Variants in CEP76 observed in about 807,000 individuals in gnomAD.
CEP76 encodes centrosomal protein 76.
CEP76 carries 55 observed loss-of-function variants against 83.3 expected under a neutral mutation model. The ratio of observed to expected loss-of-function variants is 0.66; its 90% CI spans 0.53 to 0.83. CEP76 has a LOEUF of 0.83. CEP76 is among the 40% of genes least tolerant of loss of function. The pLI, the probability that CEP76 is intolerant of heterozygous loss-of-function variation, is 0.00. For missense variants in CEP76, 694 were observed against 799.5 expected (o/e 0.87, Z 1.59); for synonymous variants, 270 against 274.5 (o/e 0.98, Z 0.16).
chr18:12,699,522 C>G (rs1426921257), intron 3 of CEP76, among the ~76,000 whole-genome samples: 1 of 152,154 alleles, frequency 6.6e-6, no homozygotes, highest in African/African-American at 2.4e-5. Flanking sequence ...CAAACCAACT[C>G]ATATAATTAT....
chr18:12,679,270 C>G (rs957945446), intron 9 of CEP76: 2 of 152,166 alleles, frequency 1.3e-5, no homozygotes. Flanking sequence ...GAAACTCCAA[C>G]CAGCCTGTGC....
chr18:12,694,767 A>G (rs2039889596), intron 6 of CEP76, among the ~76,000 whole-genome samples: 2 of 149,142 alleles, frequency 1.3e-5, no homozygotes, highest in Non-Finnish European at 1.5e-5. Flanking sequence ...GCTGGAGTGC[A>G]CTGGTGCGAT....
At chr18:12,685,388 T>G (rs891352348) in intron 8 of CEP76, 3 of 152,226 alleles carry the variant, frequency 2.0e-5, no homozygotes, top group African/African-American at 7.2e-5. Context: ...CTGGTGCTGT[T>G]CCTAATTCAT....
At chr18:12,695,119 T>G (rs1024210482) in intron 6 of CEP76, 135 bp downstream of exon 6, 9 of 450,832 alleles carry the variant, frequency 2.0e-5, no homozygotes, top group Non-Finnish European at 3.2e-5. Context: ...TCATCCTTTT[T>G]GTGAACCTTT....
At chr18:12,693,564 C>T (rs1260474061) in intron 6 of CEP76, among the ~76,000 whole-genome samples, 1 of 152,134 alleles carries the variant, frequency 6.6e-6, no homozygotes, top group Non-Finnish European at 1.5e-5. Context: ...GCAGGCAGAT[C>T]ACGAGGTCAA....
downstream of CEP76, among the ~76,000 whole-genome samples, chr18:12,668,597 C>CAAAAAAAAAAAAAAAAA (rs752216074): frequency 4.0e-4 from 29 of 72,824 alleles, no homozygotes; most frequent in Non-Finnish European, 5.6e-4. Context: ...GATTCCATCT[C>CAAAAAAAAAAAAAAAAA]AAAAAAAAAA....
chr18:12,665,352 A>G (rs752075682), intron 12 of CEP76, among the ~76,000 whole-genome samples: 1 of 152,088 alleles, frequency 6.6e-6, no homozygotes, highest in Middle Eastern at 3.2e-3. Flanking sequence ...GCTTGAGCCC[A>G]GGAGGTAGAG....
Position 12,701,068 on chromosome 18 carries a change from G to A in CEP76, c.109C>T (p.Arg37Trp), listed in dbSNP as rs137960067. The A allele has an allele frequency of 6.8e-6, 11 of 1,613,328 alleles. No individual in the cohort carries two copies. Among genetic ancestry groups the A allele is most frequent in the Non-Finnish European group, 9.3e-6 (11 of 1,179,488 alleles). ...RIREILAETI[R>W]EELAPDQQHL... ...TGTTGATCAGGTGCCAATTCTTCCCGTATAGTCTCAGCAAGGATTTCTCTT... is the reference window on the plus strand; with the variant it reads ...TGTTGATCAGGTGCCAATTCTTCCCATATAGTCTCAGCAAGGATTTCTCTT... The change falls in exon 2 of 12, where the codon CGG becomes TGG. Residue 37 changes from arginine (R) to tryptophan (W), a missense_variant. Transcript: ENST00000262127.
exon 13 of CEP76, chr18:12,661,976 G>T: frequency 3.9e-6 from 1 of 254,472 alleles, no homozygotes; most frequent in Non-Finnish European, 8.0e-6. Flanking sequence ...TGTTGATTTT[G>T]TTACTTTATT....
downstream of CEP76, among the ~76,000 whole-genome samples, chr18:12,668,833 C>T (rs1033391883): frequency 8.1e-5 from 12 of 147,952 alleles, no homozygotes; most frequent in Non-Finnish European, 1.6e-4. Context: ...CTTCGCCTCC[C>T]GGGTTTAAGC....
At chr18:12,687,455 T>A (rs892682986) in intron 7 of CEP76, among the ~76,000 whole-genome samples, 1 of 133,892 alleles carries the variant, frequency 7.5e-6, no homozygotes, top group Admixed American at 7.5e-5. Context: ...AAGGCATCAA[T>A]TTTTTTTTTT....
chr18:12,696,287 G>A (rs1175140727), intron 5 of CEP76, among the ~76,000 whole-genome samples: 6 of 152,090 alleles, frequency 3.9e-5, no homozygotes, highest in East Asian at 1.9e-4. Context: ...GGCAGATCAC[G>A]AGGTCAAGAG....
At position 12,702,595 on chromosome 18, in the gene CEP76, C is replaced by T; in HGVS notation, c.-47G>A. ...GCCGCTTCTCCCCGCCTCAGATGCC[C>T]TAACTGCGCGGCCCCGGCCGGGCCA... On this transcript the variant is annotated 5_prime_UTR_variant, in exon 1 of 12. Coordinates refer to ENST00000262127, the MANE Select transcript of CEP76 (RefSeq NM_024899.4). 1 of 1,578,098 alleles carries T rather than the reference C, an allele frequency of 6.3e-7. No individual in the cohort carries two copies. The highest frequency in any genetic ancestry group is 1.1e-5 in the South Asian group (1 of 87,534).
At chr18:12,700,831 T>C in intron 2 of CEP76, 127 bp downstream of exon 2, 3 of 645,720 alleles carry the variant, frequency 4.6e-6, no homozygotes, top group Non-Finnish European at 5.2e-6. Flanking sequence ...ACAAGGACAC[T>C]AGTAAACAGA....
Position 12,673,357 on chromosome 18 carries a change from TA to T in CEP76, c.*7del, listed in dbSNP as rs773471648. The T allele has an allele frequency of 1.9e-5, 30 of 1,599,818 alleles. No homozygotes were observed. Among genetic ancestry groups the T allele is most frequent in the Middle Eastern group, 3.3e-4 (2 of 6,052 alleles). On this transcript the variant is annotated 3_prime_UTR_variant, in exon 12 of 12. Coordinates refer to ENST00000262127, the MANE Select transcript of CEP76 (RefSeq NM_024899.4). ...AACACAGGTATAAATCTTATATAAA[TA>T]TTGGCCCTATAATACCGAGCGATAT...
At chr18:12,684,830 A>C (rs2039481576) in intron 8 of CEP76, 1 of 152,068 alleles carries the variant, frequency 6.6e-6, no homozygotes, top group African/African-American at 2.4e-5. Flanking sequence ...CATTTTTAGA[A>C]CACAGATTAG....
At chr18:12,697,175 T>G (rs1163825152) in intron 5 of CEP76, 48 bp downstream of exon 5, 1 of 1,233,484 alleles carries the variant, frequency 8.1e-7, no homozygotes. Context: ...TATTTACAAA[T>G]GAACTGTGGC....
intron 1 of CEP76, among the ~76,000 whole-genome samples, 186 bp from the exon 2 acceptor site, chr18:12,701,299 T>A (rs1568035852): frequency 6.6e-6 from 1 of 152,216 alleles, no homozygotes; most frequent in Non-Finnish European, 1.5e-5. Flanking sequence ...CCACTGGTTA[T>A]CTGGCACCTT....
rs1161958816 is a variant in CEP76, at chr18:12,674,555, C to G, written c.1822G>C (p.Ala608Pro). The change falls in exon 11 of 12, where the codon GCA (alanine) becomes CCA (proline). Residue 608 changes from alanine (A) to proline (P), a missense_variant. Transcript: ENST00000262127. ...IHFVYRNARR[A>P]FATCLRSPFC... ...CCTTACCGAAGACATGTGGCAAATG[C>G]ACGTCTTGCATTTCTATACACAAAA... 2 of 1,613,428 alleles carry G rather than the reference C, an allele frequency of 1.2e-6. No individual in the cohort carries two copies. The highest frequency in any genetic ancestry group is 2.2e-5 in the East Asian group (1 of 44,858).
Sources: gnomAD v4.1 joint callset for allele counts (sites outside exome capture counted in the v4.1 genomes callset) on GRCh38, gnomAD v4.1.1 for gene constraint, MANE v1.5 for transcripts, NCBI Gene and HGNC (gene_info 2026-07-23, HGNC 2026-07-21) for gene names.